The following MAP2 variants were observed in gnomAD, a reference collection of about 807,000 sequenced individuals.
MAP2 encodes microtubule associated protein 2, also known as microtubule-associated protein 2.
MAP2 carries 14 observed loss-of-function variants against 137.6 expected under a neutral mutation model. The ratio of observed to expected loss-of-function variants is 0.10; its 90% CI spans 0.07 to 0.16. The LOEUF (loss-of-function observed/expected upper bound fraction) is 0.16, where lower values mean the gene tolerates loss of function less well. Among genes scored for constraint, MAP2 ranks in the 10% least tolerant of loss-of-function variants. The probability of loss-of-function intolerance (pLI) is 1.00; values close to 1 mark genes in which losing one functional copy is unlikely to be tolerated. For synonymous variants in MAP2, 786 were observed against 782.3 expected, an observed-to-expected ratio of 1.00 and a Z score of -0.08; for missense variants, 2,088 against 2,191.5, an observed-to-expected ratio of 0.95 and a Z score of 0.94.
intron 2 of MAP2, among the ~76,000 whole-genome samples, chr2:209,568,215 A>G (rs1324534642): frequency 6.6e-6 from 1 of 151,984 alleles, no homozygotes; most frequent in African/African-American, 2.4e-5. Flanking sequence ...CCATCACCCT[A>G]GGGTACACTG....
At chr2:209,671,908 A>G (rs2049000497) in intron 5 of MAP2, among the ~76,000 whole-genome samples, 1 of 152,006 alleles carries the variant, frequency 6.6e-6, no homozygotes, top group East Asian at 1.9e-4. Flanking sequence ...AATGTTACAT[A>G]TCACTCAGAA....
intron 2 of MAP2, among the ~76,000 whole-genome samples, chr2:209,555,528 C>T (rs2070359995): frequency 6.6e-6 from 1 of 152,158 alleles, no homozygotes; most frequent in African/African-American, 2.4e-5. Flanking sequence ...GCATTGAGAA[C>T]ATACAGAACC....
intron 7 of MAP2, 71 bp downstream of exon 7, chr2:209,680,898 T>C: frequency 1.5e-6 from 2 of 1,326,140 alleles, no homozygotes; most frequent in East Asian, 2.3e-5. Flanking sequence ...ATCAATAAGC[T>C]CTGGACTTTG....
intron 5 of MAP2, among the ~76,000 whole-genome samples, chr2:209,674,812 G>C (rs2050548326): frequency 6.6e-6 from 1 of 151,618 alleles, no homozygotes; most frequent in African/African-American, 2.4e-5. Context: ...CCATTAATCT[G>C]CCCTGAACTT....
At chr2:209,658,569 C>T (rs1038022787) in intron 5 of MAP2, among the ~76,000 whole-genome samples, 7 of 151,922 alleles carry the variant, frequency 4.6e-5, no homozygotes, top group African/African-American at 1.4e-4. Context: ...TGCAATGGCA[C>T]GATCTTGGCT....
chr2:209,656,456 G>T (rs888717771), intron 5 of MAP2, among the ~76,000 whole-genome samples: 1 of 152,034 alleles, frequency 6.6e-6, no homozygotes, highest in African/African-American at 2.4e-5. Context: ...ACTGCAGTGA[G>T]CTGTGATCAG....
At chr2:209,594,356 G>T (rs1249773661) in intron 3 of MAP2, among the ~76,000 whole-genome samples, 1 of 152,080 alleles carries the variant, frequency 6.6e-6, no homozygotes, top group Non-Finnish European at 1.5e-5. Context: ...GTAGTAGCAA[G>T]GGAGAAGAAG....
chr2:209,675,659 C>T (rs2051023830), intron 5 of MAP2, among the ~76,000 whole-genome samples: 1 of 151,808 alleles, frequency 6.6e-6, no homozygotes, highest in Non-Finnish European at 1.5e-5. Flanking sequence ...TTAAATAATT[C>T]TCCATGGATA....
chr2:209,486,118 CATT>C (rs1313745736), intron 1 of MAP2, among the ~76,000 whole-genome samples: 1 of 152,202 alleles, frequency 6.6e-6, no homozygotes, highest in Non-Finnish European at 1.5e-5. Context: ...TCTTCACCAT[CATT>C]ATATCCCAGT....
chr2:209,640,941 T>TG lies in MAP2; in HGVS notation c.-29-12201_-29-12200insG, dbSNP rs112968485. Among the ~76,000 whole-genome samples, 317 of 152,188 alleles carry TG rather than the reference T, an allele frequency of 2.1e-3. 3 individuals are homozygous for TG. The highest frequency in any genetic ancestry group is 6.7e-3 in the African/African-American group (279 of 41,530). ...CTTCTCCAACTTTTAGAGTTTTGTT[T>TG]TCTCTTAATTTTAATTCTAGCATCT... is the stretch of plus-strand genomic sequence containing the variant. On this transcript the variant is annotated intron_variant, in intron 4 of 15. Coordinates refer to ENST00000682079, the MANE Select transcript of MAP2 (RefSeq NM_001375505.1).
At chr2:209,478,267 A>G (rs1707852224) in intron 1 of MAP2, among the ~76,000 whole-genome samples, 1 of 152,154 alleles carries the variant, frequency 6.6e-6, no homozygotes, top group African/African-American at 2.4e-5. Flanking sequence ...CTATCATGCT[A>G]TCTCCTGTGA....
chr2:209,487,980 T>C (rs540095257), intron 1 of MAP2, among the ~76,000 whole-genome samples: 121 of 152,308 alleles, frequency 7.9e-4, no homozygotes, highest in African/African-American at 2.8e-3. Context: ...AAAAAATAAA[T>C]ACTGCTGGAT....
At chr2:209,648,054 G>T (rs1410314261) in intron 4 of MAP2, among the ~76,000 whole-genome samples, 1 of 150,870 alleles carries the variant, frequency 6.6e-6, no homozygotes, top group African/African-American at 2.4e-5. Context: ...ATACAATAAA[G>T]TCAAGTGTAA....
In MAP2 at chr2:209,638,378, C is replaced by A. The variant is rs144303293; in HGVS notation, c.-30+13249C>A. Among the ~76,000 whole-genome samples, 408 of 152,166 alleles carry A rather than the reference C, an allele frequency of 2.7e-3. 10 individuals carry two copies. The highest frequency in any genetic ancestry group is 0.018 in the East Asian group (93 of 5,170). On this transcript the variant is annotated intron_variant, in intron 4 of 15. Coordinates refer to ENST00000682079, the MANE Select transcript of MAP2 (RefSeq NM_001375505.1). ...CCTTTTGGCCCAACTCAACTGATATCATGAATAAGGCTACTTTCAACTTAG... is the reference window on the plus strand; with the variant it reads ...CCTTTTGGCCCAACTCAACTGATATAATGAATAAGGCTACTTTCAACTTAG...
intron 9 of MAP2, 74 bp downstream of exon 9, chr2:209,696,822 C>G: frequency 6.5e-7 from 1 of 1,539,136 alleles, no homozygotes; most frequent in Non-Finnish European, 8.8e-7. Context: ...AACTGCCTAA[C>G]AGTGGTAACT....
intron 1 of MAP2, among the ~76,000 whole-genome samples, chr2:209,468,111 G>A (rs976003170): frequency 2.0e-5 from 3 of 150,320 alleles, no homozygotes; most frequent in Non-Finnish European, 4.4e-5. Flanking sequence ...TTTTTTCATT[G>A]TATTTCCCAT....
intron 2 of MAP2, among the ~76,000 whole-genome samples, chr2:209,539,127 T>A (rs1024797372): frequency 3.9e-5 from 6 of 152,226 alleles, no homozygotes; most frequent in Non-Finnish European, 8.8e-5. Context: ...AAACCTTGTG[T>A]TTATTTGACC....
intron 1 of MAP2, among the ~76,000 whole-genome samples, chr2:209,490,870 T>C (rs1188430153): frequency 1.3e-5 from 2 of 151,966 alleles, no homozygotes; most frequent in Non-Finnish European, 2.9e-5. Context: ...TACCACCCCA[T>C]TGTCAAATAA....
intron 2 of MAP2, among the ~76,000 whole-genome samples, chr2:209,533,224 A>G (rs1365683872): frequency 6.6e-6 from 1 of 152,040 alleles, no homozygotes; most frequent in East Asian, 1.9e-4. Context: ...AGCTCACTGC[A>G]ACCTCCGCCT....
Sources: allele counts gnomAD v4.1 joint callset (sites outside exome capture counted in the v4.1 genomes callset), GRCh38; gene constraint gnomAD v4.1.1; transcripts MANE v1.5; gene names NCBI Gene and HGNC (gene_info 2026-07-23, HGNC 2026-07-21).